Variants in BMPR2 observed in about 807,000 individuals in gnomAD.
BMPR2 encodes bone morphogenetic protein receptor type 2.
BMPR2 carries 29 observed loss-of-function variants against 100.8 expected under a neutral mutation model. The observed-to-expected ratio is 0.29, with a 90% CI of 0.21 to 0.39. The LOEUF (loss-of-function observed/expected upper bound fraction) is 0.39, where lower values mean the gene tolerates loss of function less well. Among genes scored for constraint, BMPR2 ranks in the 10% least tolerant of loss-of-function variants. The pLI is 1.00. For missense variants in BMPR2, 1,011 were observed against 1,274.5 expected, an observed-to-expected ratio of 0.79 and a Z score of 3.15; for synonymous variants, 382 against 442.3, an observed-to-expected ratio of 0.86 and a Z score of 1.71.
chr2:202,535,966 C>G (rs575860971), intron 9 of BMPR2, among the ~76,000 whole-genome samples: 9 of 151,076 alleles, frequency 6.0e-5, no homozygotes, highest in Middle Eastern at 3.3e-3. Flanking sequence ...CGCAGGCACT[C>G]GGCAGGCTGA....
chr2:202,384,023 T>G (rs1690361580), intron 1 of BMPR2, among the ~76,000 whole-genome samples: 1 of 151,610 alleles, frequency 6.6e-6, no homozygotes, highest in Non-Finnish European at 1.5e-5. Flanking sequence ...AATACAAAAA[T>G]TACCCGGGCG....
At chr2:202,425,670 G>C (rs1691370442) in intron 1 of BMPR2, among the ~76,000 whole-genome samples, 1 of 152,078 alleles carries the variant, frequency 6.6e-6, no homozygotes, top group Admixed American at 6.6e-5. Context: ...AAAAATCCAA[G>C]TTGGCAAAAT....
chr2:202,541,310 G>T (rs1688268049), intron 9 of BMPR2, among the ~76,000 whole-genome samples: 1 of 152,004 alleles, frequency 6.6e-6, no homozygotes, highest in African/African-American at 2.4e-5. Flanking sequence ...TGGGCATGGT[G>T]CCACACTCTT....
At chr2:202,521,964 G>C (rs747776339) in intron 7 of BMPR2, among the ~76,000 whole-genome samples, 40 of 152,278 alleles carry the variant, frequency 2.6e-4, no homozygotes, top group South Asian at 1.2e-3. Flanking sequence ...TTTGAGACCA[G>C]CATGGGCAAC....
At chr2:202,558,257 C>T (rs1688616995) in intron 12 of BMPR2, among the ~76,000 whole-genome samples, 1 of 152,110 alleles carries the variant, frequency 6.6e-6, no homozygotes, top group African/African-American at 2.4e-5. Flanking sequence ...GGATTACAGA[C>T]ATGTGCCACC....
At chr2:202,453,148 C>G (rs1401168425) in intron 1 of BMPR2, among the ~76,000 whole-genome samples, 1 of 151,134 alleles carries the variant, frequency 6.6e-6, no homozygotes, top group Non-Finnish European at 1.5e-5. Context: ...ATGTTTCAAG[C>G]AAGGACGTGA....
chr2:202,443,568 C>T (rs1270452721), intron 1 of BMPR2, among the ~76,000 whole-genome samples: 1 of 147,256 alleles, frequency 6.8e-6, no homozygotes, highest in Admixed American at 6.7e-5. Context: ...CTCTTTCTTT[C>T]TTCTTTTTTT....
At chr2:202,534,610 A>G (rs895336210) in intron 9 of BMPR2, among the ~76,000 whole-genome samples, 1 of 152,134 alleles carries the variant, frequency 6.6e-6, no homozygotes, top group Non-Finnish European at 1.5e-5. Context: ...CCCAAGGCAG[A>G]AGAAGTTTTC....
At chr2:202,505,275 C>T (rs374346203) in intron 3 of BMPR2, 3 of 150,958 alleles carry the variant, frequency 2.0e-5, no homozygotes, top group Non-Finnish European at 2.9e-5. Flanking sequence ...CAGAGTGCCT[C>T]GCAAATAGGT....
At chr2:202,496,760 G>T (rs966778395) in intron 3 of BMPR2, among the ~76,000 whole-genome samples, 36 of 152,212 alleles carry the variant, frequency 2.4e-4, no homozygotes, top group Non-Finnish European at 4.4e-4. Context: ...AGTCCTTACC[G>T]CCCTCGCTCG....
At chr2:202,472,376 T>G (rs555156636) in intron 3 of BMPR2, among the ~76,000 whole-genome samples, 35 of 152,322 alleles carry the variant, frequency 2.3e-4, no homozygotes, top group African/African-American at 7.9e-4. Flanking sequence ...AGAGAGAAAG[T>G]GGCCATGTGC....
At chr2:202,440,313 C>G (rs1185993680) in intron 1 of BMPR2, among the ~76,000 whole-genome samples, 1 of 149,248 alleles carries the variant, frequency 6.7e-6, no homozygotes, top group East Asian at 2.0e-4. Context: ...CAGACACACT[C>G]CTCAGTTCCC....
intron 3 of BMPR2, among the ~76,000 whole-genome samples, chr2:202,513,069 A>G (rs1687653010): frequency 6.6e-6 from 1 of 151,856 alleles, no homozygotes; most frequent in Non-Finnish European, 1.5e-5. Context: ...GGCCCAAGCA[A>G]TCCTCCTGCC....
chr2:202,470,729 A>G (rs1392975091), intron 3 of BMPR2, among the ~76,000 whole-genome samples: 24 of 148,818 alleles, frequency 1.6e-4, no homozygotes, highest in African/African-American at 5.9e-4. Flanking sequence ...GCGCCACTGC[A>G]GTCCGCAGTC....
intron 1 of BMPR2, among the ~76,000 whole-genome samples, chr2:202,424,098 G>A (rs1189716782): frequency 6.8e-6 from 1 of 147,542 alleles, no homozygotes; most frequent in Non-Finnish European, 1.5e-5. Context: ...AAAAGGCCAG[G>A]CACAGTGGCT....
intron 1 of BMPR2, among the ~76,000 whole-genome samples, chr2:202,396,494 A>T (rs938783211): frequency 6.6e-6 from 1 of 152,202 alleles, no homozygotes; most frequent in East Asian, 1.9e-4. Context: ...TTTACCAGGT[A>T]GATTCTTCTC....
In BMPR2 at chr2:202,555,263, A is replaced by G. The variant is rs1085307368; in HGVS notation, c.1598A>G (p.His533Arg). 3 of 1,614,100 alleles carry G rather than the reference A, an allele frequency of 1.9e-6. No homozygotes were observed. Among genetic ancestry groups the G allele is most frequent in the South Asian group, 1.1e-5 (1 of 91,084 alleles). ...TTTCTTTCTTTAAGCAACCTGTCAC[A>G]TAATAGGCGTGTGCCAAAAATTGGT... Reference protein sequence around the residue: ...TAMQNERNLSHNRRVPKIGPY... With the variant: ...TAMQNERNLSRNRRVPKIGPY... Residue 533 changes from histidine (H) to arginine (R), a missense_variant, in exon 12 of 13, where the codon CAT becomes CGT. Around this residue, in one of 6 missense-constraint regions of BMPR2, gnomAD observed 508 missense variants for 552.0 expected, o/e 0.92. Coordinates refer to ENST00000374580, the MANE Select transcript of BMPR2 (RefSeq NM_001204.7).
chr2:202,533,186 C>T (rs1688059753), intron 9 of BMPR2, among the ~76,000 whole-genome samples: 2 of 151,548 alleles, frequency 1.3e-5, no homozygotes, highest in African/African-American at 2.4e-5. Flanking sequence ...CTTCTTTCTT[C>T]CTTCCTTCCT....
chr2:202,491,786 C>T (rs1040343254), intron 3 of BMPR2, among the ~76,000 whole-genome samples: 3 of 152,162 alleles, frequency 2.0e-5, no homozygotes, highest in African/African-American at 7.2e-5. Flanking sequence ...AGAGGATGTA[C>T]AGCCTATTTG....
Sources: allele counts gnomAD v4.1 joint callset (sites outside exome capture counted in the v4.1 genomes callset), GRCh38; gene constraint gnomAD v4.1.1; regional missense constraint gnomAD v4.1.1; transcripts MANE v1.5; gene names NCBI Gene and HGNC (gene_info 2026-07-23, HGNC 2026-07-21).